The following CACNA1B variants were observed in gnomAD, a reference collection of about 807,000 sequenced individuals.
CACNA1B encodes calcium voltage-gated channel subunit alpha1 B, also known as voltage-dependent N-type calcium channel subunit alpha-1B.
CACNA1B carries 70 observed loss-of-function variants against 247.2 expected under a neutral mutation model. The observed-to-expected ratio is 0.28, with a 90% CI of 0.23 to 0.35. The LOEUF (loss-of-function observed/expected upper bound fraction) is 0.35. CACNA1B is among the 10% of genes least tolerant of loss of function. The pLI is 1.00. For missense variants in CACNA1B, 2,367 were observed against 3,197.4 expected (o/e 0.74, Z 6.26); for synonymous variants, 1,231 against 1,294.4 (o/e 0.95, Z 1.05).
At chr9:138,036,541 T>C (rs1053229136) in intron 20 of CACNA1B, among the ~76,000 whole-genome samples, 1 of 152,224 alleles carries the variant, frequency 6.6e-6, no homozygotes, top group Admixed American at 6.5e-5. Context: ...TTTTACATCG[T>C]AGAAAATTCT....
chr9:138,015,041 G>A (rs1958773270), intron 18 of CACNA1B, among the ~76,000 whole-genome samples: 1 of 152,154 alleles, frequency 6.6e-6, no homozygotes, highest in Admixed American at 6.5e-5. Context: ...CCTACGCGAG[G>A]AAAGAGCTTC....
intron 6 of CACNA1B, among the ~76,000 whole-genome samples, chr9:137,937,561 A>T (rs1293611362): frequency 1.3e-5 from 2 of 152,190 alleles, no homozygotes; most frequent in African/African-American, 4.8e-5. Context: ...AGAGACTTAG[A>T]TGTCCAAATA....
chr9:137,966,735 T>C (rs1958082061), intron 10 of CACNA1B, among the ~76,000 whole-genome samples: 1 of 151,702 alleles, frequency 6.6e-6, no homozygotes, highest in African/African-American at 2.4e-5. Context: ...AGAAGGAGTT[T>C]CACCATGTTA....
chr9:138,117,177 C>A (rs561519900), intron 42 of CACNA1B, among the ~76,000 whole-genome samples: 1 of 152,032 alleles, frequency 6.6e-6, no homozygotes, highest in South Asian at 2.1e-4. Flanking sequence ...GAAGTATCTC[C>A]GGGTGGGGCT....
At chr9:137,988,758 C>T (rs1958397288) in intron 15 of CACNA1B, among the ~76,000 whole-genome samples, 1 of 152,022 alleles carries the variant, frequency 6.6e-6, no homozygotes, top group South Asian at 2.1e-4. Flanking sequence ...GCAGGTGTGG[C>T]TCAGCCCCCT....
rs767335642 is a variant in CACNA1B at position 138,023,137 on chromosome 9, C to T, written c.2394C>T (p.Arg798=). The T allele has an allele frequency of 1.3e-6, 2 of 1,537,142 alleles. No homozygotes were observed. Among genetic ancestry groups the T allele is most frequent in the Non-Finnish European group, 1.7e-6 (2 of 1,149,584 alleles). ...YSEMDPEERL[R]FATTRHLRPD... is the part of the protein sequence containing the mutation. Reference sequence around the variant, plus strand: ...AGATGGACCCCGAGGAGCGGCTGCGCTTCGCCACTACGCGCCACCTGCGGC... The same window carrying T: ...AGATGGACCCCGAGGAGCGGCTGCGTTTCGCCACTACGCGCCACCTGCGGC... Residue 798 remains arginine (R), a synonymous_variant, in exon 19 of 47, where the codon CGC becomes CGT. Coordinates refer to ENST00000371372, the MANE Select transcript of CACNA1B (RefSeq NM_000718.4).
intron 15 of CACNA1B, among the ~76,000 whole-genome samples, chr9:137,988,980 T>TGAG (rs1345788619): frequency 6.6e-6 from 1 of 152,072 alleles, no homozygotes; most frequent in Non-Finnish European, 1.5e-5. Flanking sequence ...GGAGGGCATG[T>TGAG]GAGGAGGAAG....
chr9:137,977,650 C>G (rs571730937), intron 12 of CACNA1B, among the ~76,000 whole-genome samples: 1 of 152,172 alleles, frequency 6.6e-6, no homozygotes. Context: ...ACTGTCGGCA[C>G]CTGCCCAGAG....
At chr9:137,985,896 G>A (rs1284870411) in intron 13 of CACNA1B, among the ~76,000 whole-genome samples, 1 of 152,248 alleles carries the variant, frequency 6.6e-6, no homozygotes, top group African/African-American at 2.4e-5. Flanking sequence ...TCCACGCCGC[G>A]TGTCCCTTGT....
Position 138,120,853 on chromosome 9 carries a change from C to A in CACNA1B, c.6461C>A (p.Ala2154Asp), listed in dbSNP as rs865941300. The A allele has an allele frequency of 6.4e-7, 1 of 1,573,122 alleles. No homozygotes were observed. Among genetic ancestry groups the A allele is most frequent in the East Asian group, 2.4e-5 (1 of 42,286 alleles). ...SLSSHPTSPT[A>D]GQEPGPHPQG... ...AGCAGCCACCCAACGTCGCCAACAG[C>A]TGGCCAGGAGCCGGGACCCCACCCA... Residue 2154 changes from alanine (A) to aspartate (D), a missense_variant, in exon 46 of 47, where the codon GCT (alanine) becomes GAT (aspartate). Coordinates refer to ENST00000371372, the MANE Select transcript of CACNA1B (RefSeq NM_000718.4).
chr9:138,117,177 C>T lies in CACNA1B; in HGVS notation c.5778-769C>T, dbSNP rs561519900. Reference sequence around the variant, plus strand: ...AGAAATACCAGTGCGGAAGTATCTCCGGGTGGGGCTGTTGGGGCAGGCGTA... The same window carrying T: ...AGAAATACCAGTGCGGAAGTATCTCTGGGTGGGGCTGTTGGGGCAGGCGTA... On this transcript the variant is annotated intron_variant, in intron 42 of 46. Coordinates refer to ENST00000371372, the MANE Select transcript of CACNA1B (RefSeq NM_000718.4). 5.8e-4 allele frequency among the ~76,000 whole-genome samples: 88 copies of T among 152,148 alleles called. No homozygotes were observed. In the Middle Eastern group the frequency reaches 0.01, roughly 18 times the overall value.
rs150072064 is a variant in CACNA1B at position 137,914,816 on chromosome 9, G to A, written c.775+10G>A. 1,161 of 1,613,764 alleles carry A rather than the reference G, an allele frequency of 7.2e-4. No homozygotes were observed. The highest frequency in any genetic ancestry group is 1.5e-3 in the Middle Eastern group (9 of 6,062). Reference sequence around the variant, plus strand: ...TTCCCCAACAGCACAGGTGAGGCCAGGCAGCACCCTCCAGCACAGGCAAGT... The same window carrying A: ...TTCCCCAACAGCACAGGTGAGGCCAAGCAGCACCCTCCAGCACAGGCAAGT... On this transcript the variant is annotated intron_variant, in intron 5 of 46. Coordinates refer to ENST00000371372, the MANE Select transcript of CACNA1B (RefSeq NM_000718.4). This position sits in a 1 kb window ranked among gnomAD's most constrained non-coding sequence, Gnocchi z 4.3.
At chr9:137,892,903 T>C (rs192662572) in intron 3 of CACNA1B, among the ~76,000 whole-genome samples, 6 of 152,316 alleles carry the variant, frequency 3.9e-5, no homozygotes, top group East Asian at 3.9e-4. Flanking sequence ...CGTGTTTCCA[T>C]TGGCATGCAT....
chr9:137,992,704 G>A (rs11137332), intron 15 of CACNA1B, among the ~76,000 whole-genome samples: 20,031 of 151,716 alleles, frequency 0.13, 1,681 homozygotes, highest in East Asian at 0.44. Context: ...AACAAGTCTC[G>A]GGAAATTTAA....
rs757079374 is a variant in CACNA1B at position 137,957,636 on chromosome 9, C to T, written c.1282C>T (p.Leu428=). 3 of 1,603,484 alleles carry T rather than the reference C, an allele frequency of 1.9e-6. No homozygotes were observed. The highest frequency in any genetic ancestry group is 1.7e-6 in the Non-Finnish European group (2 of 1,175,318). ...RAATKKSRND[L]IHAEEGEDRF... The stretch of plus-strand genomic sequence containing the variant: ...GGCCACCAAGAAGAGCAGAAATGAC[C>T]TGATCCACGCAGAGGAGGGAGAGGA... The change falls in exon 10 of 47, where the codon CTG becomes TTG. Residue 428 remains leucine, a synonymous_variant. Coordinates refer to ENST00000371372, the MANE Select transcript of CACNA1B (RefSeq NM_000718.4). This position sits in a 1 kb window ranked among gnomAD's most constrained non-coding sequence, Gnocchi z 4.7.
rs954439805 is a variant in CACNA1B at position 137,958,204 on chromosome 9, C to T, written c.1333+517C>T. Reference sequence around the variant, plus strand: ...ATATTGTTACATGTATGAGACAGAACTCTTTAATAAAACAGGAAACACACA... The same window carrying T: ...ATATTGTTACATGTATGAGACAGAATTCTTTAATAAAACAGGAAACACACA... On this transcript the variant is annotated intron_variant, in intron 10 of 46. Coordinates refer to ENST00000371372, the MANE Select transcript of CACNA1B (RefSeq NM_000718.4). 7.2e-5 allele frequency among the ~76,000 whole-genome samples: 11 copies of T among 152,224 alleles called. No individual in the cohort carries two copies. The South Asian group carries it at 1.9e-3, about 26-fold the overall frequency.
intron 20 of CACNA1B, among the ~76,000 whole-genome samples, chr9:138,027,538 A>G (rs1159453267): frequency 2.0e-5 from 3 of 152,154 alleles, no homozygotes; most frequent in Admixed American, 2.0e-4. Flanking sequence ...GTTTCCGCCT[A>G]CATTAAATAA....
At chr9:138,030,768 C>T (rs1958978838) in intron 20 of CACNA1B, among the ~76,000 whole-genome samples, 2 of 152,076 alleles carry the variant, frequency 1.3e-5, no homozygotes, top group South Asian at 4.1e-4. Context: ...TTATCTATTT[C>T]ATATTGGATG....
chr9:137,984,118 C>T lies in CACNA1B; in HGVS notation c.1657-20C>T, dbSNP rs1349479026. The stretch of plus-strand genomic sequence containing the variant: ...AGGTGCAGATACGGTGCACCCAAGG[C>T]TAATGCCATCCCGTTGCAGGTCATC... On this transcript the variant is annotated intron_variant, in intron 12 of 46. Coordinates refer to ENST00000371372, the MANE Select transcript of CACNA1B (RefSeq NM_000718.4). The T allele has an allele frequency of 6.4e-7, 1 of 1,563,214 alleles. No homozygotes were observed. Among genetic ancestry groups the T allele is most frequent in the Non-Finnish European group, 8.7e-7 (1 of 1,148,706 alleles).
Sources: allele counts gnomAD v4.1 joint callset (sites outside exome capture counted in the v4.1 genomes callset), GRCh38; gene constraint gnomAD v4.1.1; non-coding constraint Gnocchi (gnomAD v3.1); transcripts MANE v1.5; gene names NCBI Gene and HGNC (gene_info 2026-07-23, HGNC 2026-07-21).